The following TNS3 variants were observed in gnomAD, a reference collection of about 807,000 sequenced individuals.
The protein encoded by TNS3 is tensin-3.
Under a neutral mutation model 140.9 loss-of-function variants are expected in TNS3, and 45 were observed. The ratio of observed to expected loss-of-function variants is 0.32; its 90% CI spans 0.25 to 0.41. TNS3 has a LOEUF of 0.41. Among genes scored for constraint, TNS3 ranks in the 10% least tolerant of loss-of-function variants. The pLI is 1.00. For missense variants in TNS3, 1,716 were observed against 1,906.7 expected (o/e 0.90, Z 1.86); for synonymous variants, 815 against 788.4 (o/e 1.03, Z -0.56).
intron 30 of TNS3, 103 bp downstream of exon 30, chr7:47,280,061 T>C (rs1785059304): frequency 1.5e-6 from 2 of 1,365,142 alleles, no homozygotes; most frequent in East Asian, 2.3e-5. Flanking sequence ...CATGGTGTAG[T>C]CATTTTCTTA....
At chr7:47,506,823 C>T (rs1562814397) in intron 3 of TNS3, 84 bp downstream of exon 3, 3 of 1,097,444 alleles carry the variant, frequency 2.7e-6, no homozygotes, top group Non-Finnish European at 3.6e-6. Context: ...TGGCTGCAGT[C>T]CAAAGAGGCC....
intron 2 of TNS3, among the ~76,000 whole-genome samples, chr7:47,508,573 A>G (rs935762858): frequency 2.6e-5 from 4 of 152,172 alleles, no homozygotes; most frequent in Non-Finnish European, 5.9e-5. Context: ...TTCTGCCCAC[A>G]CACGTCTAGC....
Position 47,529,119 on chromosome 7 carries a change from G to A in TNS3, c.-236C>T, listed in dbSNP as rs933756930. 3.5e-5 allele frequency: 45 copies of A among 1,287,842 alleles called. No homozygotes were observed. Among genetic ancestry groups the A allele is most frequent in the Non-Finnish European group, 4.4e-5 (43 of 988,320 alleles). 79.8% of individuals were successfully genotyped at this position (1,287,842 alleles called of 1,614,324 possible). A position where few individuals can be genotyped will look rare whatever the true frequency, so the allele number is the denominator to read the frequency against. On this transcript the variant is annotated 5_prime_UTR_variant, in exon 2 of 31. Coordinates refer to ENST00000311160, the MANE Select transcript of TNS3 (RefSeq NM_022748.12). ...TTTTTTAAAGGCCTTGTTCTTAAAA[G>A]CGTGCAGACTCGAGGTTAATTCTTC...
At chr7:47,491,804 A>G (rs1220455854) in intron 3 of TNS3, among the ~76,000 whole-genome samples, 3 of 152,158 alleles carry the variant, frequency 2.0e-5, no homozygotes, top group African/African-American at 7.2e-5. Context: ...CATAGGCCTG[A>G]GTGGGACGGT....
chr7:47,369,994 T>C (rs1002372241), intron 16 of TNS3, among the ~76,000 whole-genome samples: 1 of 152,250 alleles, frequency 6.6e-6, no homozygotes, highest in African/African-American at 2.4e-5. Flanking sequence ...GAATGGACTG[T>C]TCATCTTAGA....
chr7:47,489,897 G>A (rs1034540730), intron 3 of TNS3, among the ~76,000 whole-genome samples: 1 of 152,152 alleles, frequency 6.6e-6, no homozygotes, highest in Admixed American at 6.5e-5. Context: ...AGCATCTCAT[G>A]GTGCAGCCGA....
intron 16 of TNS3, among the ~76,000 whole-genome samples, chr7:47,388,146 G>A (rs1361868824): frequency 6.6e-6 from 1 of 152,130 alleles, no homozygotes; most frequent in African/African-American, 2.4e-5. Context: ...CTGGGAATAG[G>A]GGCTTGACTG....
In TNS3 at chr7:47,275,494, T is replaced by C. The variant is rs1213753993; in HGVS notation, c.*2582A>G. The C allele has an allele frequency of 6.5e-6, 2 of 308,762 alleles. No individual in the cohort carries two copies. The highest frequency in any genetic ancestry group is 4.4e-5 in the African/African-American group (2 of 45,570). The allele number at this position is 308,762 out of a possible 1,614,324, so 19.1% of individuals were successfully genotyped here. ...TTTACTCCCCAGGGCAGTACGTGCC[T>C]GTCCAGCGGGAGCCCTGGAGACAAA... On this transcript the variant is annotated 3_prime_UTR_variant, in exon 31 of 31. Transcript: ENST00000311160.
intron 20 of TNS3, 147 bp from the exon 21 acceptor site, chr7:47,305,150 C>T (rs1584359706): frequency 1.8e-6 from 1 of 562,616 alleles, no homozygotes; most frequent in Non-Finnish European, 2.7e-6. Flanking sequence ...GACATCACTA[C>T]CCGTAATAGG....
At chr7:47,402,176 G>T (rs989709491) in intron 13 of TNS3, among the ~76,000 whole-genome samples, 13 of 152,088 alleles carry the variant, frequency 8.5e-5, no homozygotes, top group Non-Finnish European at 8.8e-5. Flanking sequence ...GTGACTCCAG[G>T]CAGACCCAGA....
At chr7:47,393,460 G>A (rs1208819442) in intron 16 of TNS3, among the ~76,000 whole-genome samples, 4 of 152,138 alleles carry the variant, frequency 2.6e-5, no homozygotes, top group Non-Finnish European at 5.9e-5. Context: ...TCAAGGGAAG[G>A]TTGCTGAGAT....
chr7:47,374,706 A>G (rs1791274865), intron 16 of TNS3, among the ~76,000 whole-genome samples: 2 of 152,216 alleles, frequency 1.3e-5, no homozygotes, highest in African/African-American at 4.8e-5. Flanking sequence ...CTGATCCATC[A>G]TTAAAGAATA....
intron 13 of TNS3, among the ~76,000 whole-genome samples, chr7:47,409,910 G>A (rs769896249): frequency 6.6e-6 from 1 of 152,148 alleles, no homozygotes; most frequent in Non-Finnish European, 1.5e-5. Context: ...GCCCACCTCA[G>A]CCTCCCAAAG....
chr7:47,514,481 T>C (rs615147), intron 2 of TNS3, among the ~76,000 whole-genome samples: 98,172 of 152,016 alleles, frequency 0.65, 32,249 homozygotes, highest in Non-Finnish European at 0.71. Flanking sequence ...TTGGGTTAAC[T>C]GCGTGGAACA....
At chr7:47,507,208 C>T (rs1798449748) in intron 2 of TNS3, among the ~76,000 whole-genome samples, 1 of 152,090 alleles carries the variant, frequency 6.6e-6, no homozygotes, top group South Asian at 2.1e-4. Context: ...CTTGGGAGCA[C>T]GGTCATGAGC....
At chr7:47,556,529 C>A (rs967938011) in intron 1 of TNS3, among the ~76,000 whole-genome samples, 2 of 152,182 alleles carry the variant, frequency 1.3e-5, no homozygotes, top group Non-Finnish European at 2.9e-5. Context: ...CAGAGGGCCC[C>A]ACATCCCTTA....
intron 13 of TNS3, among the ~76,000 whole-genome samples, chr7:47,410,660 G>A (rs956536995): frequency 6.6e-6 from 1 of 152,150 alleles, no homozygotes; most frequent in Non-Finnish European, 1.5e-5. Flanking sequence ...AAATCTAGGG[G>A]TTACAGGGAA....
At chr7:47,494,544 G>C (rs1797929152) in intron 3 of TNS3, among the ~76,000 whole-genome samples, 2 of 152,146 alleles carry the variant, frequency 1.3e-5, no homozygotes, top group South Asian at 4.1e-4. Flanking sequence ...TCTGAACAGG[G>C]GGCAGTTTCC....
intron 16 of TNS3, among the ~76,000 whole-genome samples, chr7:47,371,937 A>G (rs1041520713): frequency 6.6e-6 from 1 of 152,228 alleles, no homozygotes; most frequent in Non-Finnish European, 1.5e-5. Context: ...AGATGGTTCT[A>G]TGTAAAGGTT....
Sources: allele counts gnomAD v4.1 joint callset (sites outside exome capture counted in the v4.1 genomes callset), GRCh38; gene constraint gnomAD v4.1.1; transcripts MANE v1.5; gene names NCBI Gene and HGNC (gene_info 2026-07-23, HGNC 2026-07-21).